Variants in SLC14A2 observed in about 807,000 individuals in gnomAD.
SLC14A2 encodes the protein solute carrier family 14 member 2, also known as urea transporter 2.
In SLC14A2, 91 loss-of-function variants were observed where a neutral mutation model predicts 104.6. The observed-to-expected ratio is 0.87, with a 90% CI of 0.73 to 1.04. The LOEUF is 1.04. Among genes scored for constraint, SLC14A2 ranks in the 50% least tolerant of loss-of-function variants. The pLI is 0.00. For missense variants in SLC14A2, 1,189 were observed against 1,156.0 expected (o/e 1.03, Z -0.41); for synonymous variants, 476 against 466.4 (o/e 1.02, Z -0.27).
chr18:45,568,959 T>C (rs554830662), intron 2 of SLC14A2, among the ~76,000 whole-genome samples: 292 of 152,344 alleles, frequency 1.9e-3, no homozygotes, highest in African/African-American at 6.7e-3. Flanking sequence ...AGGAATGTAT[T>C]GTAAGCTGTT....
At chr18:45,569,374 C>T in intron 2 of SLC14A2, among the ~76,000 whole-genome samples, 1 of 152,232 alleles carries the variant, frequency 6.6e-6, no homozygotes, top group Non-Finnish European at 1.5e-5. Flanking sequence ...CCCCTTTACT[C>T]TATTCTAAAT....
intron 1 of SLC14A2, among the ~76,000 whole-genome samples, chr18:45,384,717 C>T (rs1422679244): frequency 2.6e-5 from 4 of 152,118 alleles, no homozygotes; most frequent in Non-Finnish European, 5.9e-5. Context: ...CAGTGGTGAC[C>T]TGTCTTGCAT....
chr18:45,287,080 A>G (rs1179194113), intron 1 of SLC14A2, among the ~76,000 whole-genome samples: 1 of 152,204 alleles, frequency 6.6e-6, no homozygotes, highest in African/African-American at 2.4e-5. Flanking sequence ...CATTTAAAAC[A>G]AACCAACCAA....
intron 10 of SLC14A2, among the ~76,000 whole-genome samples, chr18:45,650,019 T>C (rs1258121251): frequency 1.3e-5 from 2 of 152,246 alleles, no homozygotes; most frequent in Non-Finnish European, 2.9e-5. Context: ...GATTATTGGT[T>C]TCCCTCCATC....
intron 2 of SLC14A2, among the ~76,000 whole-genome samples, chr18:45,549,519 G>C (rs1568271891): frequency 6.6e-6 from 1 of 152,202 alleles, no homozygotes; most frequent in Admixed American, 6.5e-5. Context: ...GGGAAGCAGG[G>C]GGGAAGAAAT....
intron 1 of SLC14A2, among the ~76,000 whole-genome samples, chr18:45,269,612 C>T (rs192549215): frequency 1.3e-4 from 20 of 152,254 alleles, no homozygotes; most frequent in African/African-American, 4.3e-4. Flanking sequence ...CTTTTTACCA[C>T]CTCTGCACTA....
At chr18:45,268,976 G>GTGTGTGTGTGTGTGTGTGTGTA (rs771261044) in intron 1 of SLC14A2, among the ~76,000 whole-genome samples, 4 of 151,598 alleles carry the variant, frequency 2.6e-5, no homozygotes, top group African/African-American at 9.7e-5. Context: ...GTGTGTGTGT[G>GTGTGTGTGTGTGTGTGTGTGTA]TGTGTGTGTG....
chr18:45,668,268 T>TA, intron 14 of SLC14A2, 81 bp from the exon 15 acceptor site: 5 of 1,565,010 alleles, frequency 3.2e-6, no homozygotes, highest in Non-Finnish European at 4.3e-6. Context: ...AGGCCCCAGA[T>TA]AAAAAGAATC....
At chr18:45,331,294 A>G (rs1004908765) in intron 1 of SLC14A2, among the ~76,000 whole-genome samples, 1 of 152,228 alleles carries the variant, frequency 6.6e-6, no homozygotes, top group South Asian at 2.1e-4. Context: ...TTAAAACTAC[A>G]TAAAAATTTT....
intron 10 of SLC14A2, among the ~76,000 whole-genome samples, chr18:45,650,788 G>T (rs1466176697): frequency 6.6e-6 from 1 of 152,108 alleles, no homozygotes; most frequent in African/African-American, 2.4e-5. Flanking sequence ...TGCCCAGGCT[G>T]GAGTGCAATG....
rs1464607144 is a variant in SLC14A2, at chr18:45,682,869, T to C, written c.*350T>C. 2.8e-5 allele frequency: 7 copies of C among 251,184 alleles called. No individual in the cohort carries two copies. Among genetic ancestry groups the C allele is most frequent in the African/African-American group, 4.4e-5 (2 of 45,292 alleles). The allele number at this position is 251,184 out of a possible 1,614,324, so 15.6% of individuals were successfully genotyped here. On this transcript the variant is annotated 3_prime_UTR_variant, in exon 20 of 20. Coordinates refer to ENST00000255226, the MANE Select transcript of SLC14A2 (RefSeq NM_007163.4). ...CAGCACTTTGGGAGGCCGAGGCGGG[T>C]GGATCACGAGGTCAGGAGATCGAGA...
intron 2 of SLC14A2, chr18:45,527,934 T>C (rs541942475): frequency 3.3e-5 from 5 of 152,292 alleles, no homozygotes; most frequent in Admixed American, 1.3e-4. Context: ...TGACACTGCC[T>C]CCTGGGAGCA....
chr18:45,552,359 C>T (rs2044067662), intron 2 of SLC14A2, among the ~76,000 whole-genome samples: 1 of 152,168 alleles, frequency 6.6e-6, no homozygotes, highest in African/African-American at 2.4e-5. Flanking sequence ...GCCCTGCCAG[C>T]CCCAGGCTCC....
intron 1 of SLC14A2, among the ~76,000 whole-genome samples, chr18:45,237,831 T>A (rs1377119302): frequency 6.6e-6 from 1 of 152,210 alleles, no homozygotes; most frequent in Non-Finnish European, 1.5e-5. Context: ...GCAGGGCCCC[T>A]GGGAGTGCCT....
intron 1 of SLC14A2, among the ~76,000 whole-genome samples, chr18:45,339,637 T>C (rs950260600): frequency 1.3e-5 from 2 of 152,152 alleles, no homozygotes; most frequent in Admixed American, 6.5e-5. Flanking sequence ...TATAACTACA[T>C]GGAGAAGAGA....
chr18:45,658,979 C>T (rs370702395), intron 10 of SLC14A2, among the ~76,000 whole-genome samples: 4 of 152,128 alleles, frequency 2.6e-5, no homozygotes, highest in Non-Finnish European at 5.9e-5. Flanking sequence ...TGGCAATCCT[C>T]GAGGGCAGGG....
chr18:45,191,681 C>T, the SLC14A2 span, among the ~76,000 whole-genome samples: 1 of 152,150 alleles, frequency 6.6e-6, no homozygotes, highest in Non-Finnish European at 1.5e-5. Flanking sequence ...TAAACCTGCC[C>T]TTTCATCTCA....
At chr18:45,295,423 T>A (rs1031167280) in intron 1 of SLC14A2, among the ~76,000 whole-genome samples, 1 of 152,114 alleles carries the variant, frequency 6.6e-6, no homozygotes, top group Non-Finnish European at 1.5e-5. Context: ...AGCATTATTA[T>A]GGGTTGTCAT....
At chr18:45,606,826 G>GT (rs1168538236) in intron 2 of SLC14A2, among the ~76,000 whole-genome samples, 1 of 151,590 alleles carries the variant, frequency 6.6e-6, no homozygotes, top group East Asian at 1.9e-4. Flanking sequence ...AGCCTCTTGG[G>GT]TATAGTAAGG....
Sources: allele counts gnomAD v4.1 joint callset (sites outside exome capture counted in the v4.1 genomes callset), GRCh38; gene constraint gnomAD v4.1.1; transcripts MANE v1.5; gene names NCBI Gene and HGNC (gene_info 2026-07-23, HGNC 2026-07-21).